The following BBX variants were observed in gnomAD, a reference collection of about 807,000 sequenced individuals.
The protein encoded by BBX is HMG box transcription factor BBX.
A neutral mutation model predicts 100.2 loss-of-function variants in BBX; 30 were observed. That is an observed-to-expected ratio of 0.30 (90% CI 0.22 to 0.41). BBX has a LOEUF of 0.41. Ranked by LOEUF, BBX falls within the 10% of genes least tolerant of loss-of-function variation. The pLI is 1.00. For missense variants in BBX, 1,023 were observed against 1,129.8 expected (o/e 0.91, Z 1.35); for synonymous variants, 376 against 388.1 (o/e 0.97, Z 0.37).
chr3:107,567,740 T>C (rs2051030920), intron 2 of BBX, among the ~76,000 whole-genome samples: 1 of 152,220 alleles, frequency 6.6e-6, no homozygotes, highest in African/African-American at 2.4e-5. Flanking sequence ...TTAAACCTCC[T>C]GTATTTTCTG....
At chr3:107,671,141 A>G (rs2107920413) in intron 3 of BBX, among the ~76,000 whole-genome samples, 1 of 151,712 alleles carries the variant, frequency 6.6e-6, no homozygotes, top group East Asian at 1.9e-4. Context: ...TTCAGTGAAA[A>G]TAGTTTTGGG....
At chr3:107,597,975 AG>A (rs2053779984) in intron 2 of BBX, among the ~76,000 whole-genome samples, 1 of 152,140 alleles carries the variant, frequency 6.6e-6, no homozygotes, top group South Asian at 2.1e-4. Flanking sequence ...AGGGAAGGTA[AG>A]ATAGGGTAAT....
intron 2 of BBX, among the ~76,000 whole-genome samples, chr3:107,551,288 G>A (rs1016558936): frequency 9.8e-5 from 15 of 152,286 alleles, no homozygotes; most frequent in African/African-American, 3.4e-4. Context: ...CTGCATCTTC[G>A]ATTACTAATG....
At chr3:107,573,825 C>G (rs2051564730) in intron 2 of BBX, among the ~76,000 whole-genome samples, 2 of 152,150 alleles carry the variant, frequency 1.3e-5, no homozygotes, top group Admixed American at 6.5e-5. Flanking sequence ...CTGCTGGGTT[C>G]AAACAATTCT....
At position 107,687,074 on chromosome 3, in the gene BBX, T is replaced by G. The variant is rs537461686; in HGVS notation, c.-9-23378T>G. ...TCTAAATAGATGTTGGGAATTCTTA[T>G]TAAAATGTTGGAGAAGTTATTTTTT... On this transcript the variant is annotated intron_variant, in intron 3 of 17. Transcript: ENST00000325805. Among the ~76,000 whole-genome samples, 4 of 152,330 alleles carry G rather than the reference T, an allele frequency of 2.6e-5. No individual in the cohort carries two copies. The East Asian group carries it at 5.8e-4, about 22-fold the overall frequency.
chr3:107,774,600 A>G (rs1387750634), intron 11 of BBX, 119 bp from the exon 12 acceptor site: 1 of 1,074,370 alleles, frequency 9.3e-7, no homozygotes, highest in Admixed American at 2.4e-5. Flanking sequence ...TGAAATAGCT[A>G]CAGTTAGCTT....
rs66512735 is a variant in BBX at position 107,779,020 on chromosome 3, TACACACAC to T, written c.2203+511_2203+518del. Reference sequence around the variant, plus strand: ...ATATATATATATATATATATATATATACACACACACACACACATATACATTGGTTTTGT... The same window carrying T: ...ATATATATATATATATATATATATATACACACACATATACATTGGTTTTGT... On this transcript the variant is annotated intron_variant, in intron 13 of 17. Transcript: ENST00000325805. Among the ~76,000 whole-genome samples, 406 of 95,620 alleles carry T rather than the reference TACACACAC, an allele frequency of 4.2e-3. 23 individuals carry two copies. Among genetic ancestry groups the T allele is most frequent in the Admixed American group, 6.1e-3 (53 of 8,692 alleles). The allele number at this position is 95,620 out of a possible 152,430, so 62.7% of individuals were successfully genotyped here.
chr3:107,771,306 C>T (rs2066889975), intron 10 of BBX, among the ~76,000 whole-genome samples: 1 of 152,056 alleles, frequency 6.6e-6, no homozygotes, highest in African/African-American at 2.4e-5. Flanking sequence ...GCTTAAATTT[C>T]CCATTTTAAA....
At chr3:107,751,694 A>G (rs1408816243) in intron 9 of BBX, among the ~76,000 whole-genome samples, 1 of 152,188 alleles carries the variant, frequency 6.6e-6, no homozygotes, top group Non-Finnish European at 1.5e-5. Flanking sequence ...ATAAATGTTT[A>G]CATTTAAGAG....
At chr3:107,741,128 T>TC (rs1163349003) in intron 7 of BBX, among the ~76,000 whole-genome samples, 3 of 151,854 alleles carry the variant, frequency 2.0e-5, no homozygotes, top group African/African-American at 2.4e-5. Flanking sequence ...AGTGCAATAC[T>TC]CCTTTTGTTG....
chr3:107,774,720 A>G lies in BBX; in HGVS notation c.1917A>G (p.Gly639=). Residue 639 remains glycine (G), a splice_region_variant and synonymous_variant, in exon 12 of 18, where the codon GGA becomes GGG. Transcript: ENST00000325805. ...ATCCTTTCTCTTGAATTTTCTTAGGAAAACGAAGCTCAGGAAAAGGAAACT... is the reference window on the plus strand; with the variant it reads ...ATCCTTTCTCTTGAATTTTCTTAGGGAAACGAAGCTCAGGAAAAGGAAACT... ...LTSLRANVDR[G]KRSSGKGNSS... is the part of the protein sequence containing the mutation. 1 of 1,611,906 alleles carries G rather than the reference A, an allele frequency of 6.2e-7. No homozygotes were observed. Among genetic ancestry groups the G allele is most frequent in the Non-Finnish European group, 8.5e-7 (1 of 1,179,046 alleles).
At chr3:107,570,233 A>G (rs2051249396) in intron 2 of BBX, among the ~76,000 whole-genome samples, 1 of 152,148 alleles carries the variant, frequency 6.6e-6, no homozygotes, top group Non-Finnish European at 1.5e-5. Context: ...ACTCAGAAAT[A>G]CGTTGCTACT....
In BBX at chr3:107,628,058, T is replaced by C. The variant is rs533500486; in HGVS notation, c.-83-17778T>C. 2.6e-5 allele frequency among the ~76,000 whole-genome samples: 4 copies of C among 152,168 alleles called. No homozygotes were observed. In the South Asian group the frequency reaches 8.3e-4, roughly 32 times the overall value. On this transcript the variant is annotated intron_variant, in intron 2 of 17. Transcript: ENST00000325805. ...CTGAAGCAATTATCTTCTTTAAACA[T>C]AGGAATAAAACAAGTTCATAAAGAG...
intron 3 of BBX, among the ~76,000 whole-genome samples, chr3:107,659,295 A>G (rs1211726917): frequency 6.6e-6 from 1 of 151,720 alleles, no homozygotes; most frequent in East Asian, 1.9e-4. Context: ...TTCCTCATCA[A>G]TTCAACTTAA....
At position 107,699,711 on chromosome 3, in the gene BBX, C is replaced by T. The variant is rs527611583; in HGVS notation, c.-9-10741C>T. Among the ~76,000 whole-genome samples, 8 of 151,986 alleles carry T rather than the reference C, an allele frequency of 5.3e-5. No individual in the cohort carries two copies. The East Asian group carries it at 1.5e-3, about 29-fold the overall frequency. On this transcript the variant is annotated intron_variant, in intron 3 of 17. Coordinates refer to ENST00000325805, the MANE Select transcript of BBX (RefSeq NM_001142568.3). ...AGAGAAACTTGCAAAGAAAGATAGG[C>T]TTTCCAGATGCTTATGTGAAGGGAA... is the stretch of plus-strand genomic sequence containing the variant.
In BBX at chr3:107,806,743, TGTCTTGTTTCCTA is replaced by T. The variant is rs1222468648; in HGVS notation, c.*1288_*1300del. On this transcript the variant is annotated 3_prime_UTR_variant, in exon 18 of 18. Transcript: ENST00000325805. ...TGACTTAACCACCTGACATTCACAG[TGTCTTGTTTCCTA>T]GCAACAGATGCAAAGTGATAAATCA... is the stretch of plus-strand genomic sequence containing the variant. 1.3e-5 allele frequency: 2 copies of T among 152,246 alleles called. No individual in the cohort carries two copies. Among genetic ancestry groups the T allele is most frequent in the African/African-American group, 4.8e-5 (2 of 41,468 alleles). 9.4% of individuals were successfully genotyped at this position (152,246 alleles called of 1,614,324 possible). A position where few individuals can be genotyped will look rare whatever the true frequency, so the allele number is the denominator to read the frequency against.
intron 3 of BBX, among the ~76,000 whole-genome samples, chr3:107,659,403 A>G (rs1007346464): frequency 1.1e-4 from 17 of 152,052 alleles, no homozygotes; most frequent in African/African-American, 1.9e-4. Flanking sequence ...TTCAATATTT[A>G]TGTATAATTT....
In BBX at chr3:107,793,456, A is replaced by G. The variant is rs147870919; in HGVS notation, c.2353+2157A>G. Among the ~76,000 whole-genome samples the G allele has an allele frequency of 6.2e-3, 944 of 152,312 alleles. 9 individuals are homozygous for G. Among genetic ancestry groups the G allele is most frequent in the African/African-American group, 0.021 (890 of 41,570 alleles). Reference sequence around the variant, plus strand: ...GGAATCAATTTGAGCATCAGAAATTACTAGTAATTTAAAGTAACCATTTTT... The same window carrying G: ...GGAATCAATTTGAGCATCAGAAATTGCTAGTAATTTAAAGTAACCATTTTT... On this transcript the variant is annotated intron_variant, in intron 15 of 17. Transcript: ENST00000325805.
chr3:107,659,888 A>C, intron 3 of BBX: 1 of 449,550 alleles, frequency 2.2e-6, no homozygotes, highest in South Asian at 2.3e-5. Context: ...AGGGACGTAT[A>C]ATATGACAGA....
Sources: gnomAD v4.1 joint callset for allele counts (sites outside exome capture counted in the v4.1 genomes callset) on GRCh38, gnomAD v4.1.1 for gene constraint, MANE v1.5 for transcripts, NCBI Gene and HGNC (gene_info 2026-07-23, HGNC 2026-07-21) for gene names.